ATP6V0A1: variants seen among roughly 807,000 people sequenced by gnomAD.
ATP6V0A1 encodes the protein ATPase H+ transporting V0 subunit a1.
ATP6V0A1 carries 43 observed loss-of-function variants against 105.4 expected under a neutral mutation model. That is an observed-to-expected ratio of 0.41 (90% confidence interval 0.32 to 0.53). The LOEUF is 0.53. Among genes scored for constraint, ATP6V0A1 ranks in the 20% least tolerant of loss-of-function variants. The pLI, the probability that ATP6V0A1 is intolerant of heterozygous loss-of-function variation, is 0.30. For synonymous variants in ATP6V0A1, 362 were observed against 372.8 expected, an observed-to-expected ratio of 0.97 and a Z score of 0.33; for missense variants, 676 against 1,051.1, an observed-to-expected ratio of 0.64 and a Z score of 4.93.
intron 12 of ATP6V0A1, 75 bp from the exon 13 acceptor site, chr17:42,494,959 T>C: frequency 6.7e-7 from 1 of 1,487,200 alleles, no homozygotes; most frequent in Non-Finnish European, 9.3e-7. Context: ...AAGGGGCAGG[T>C]ATATTCTGAA....
chr17:42,483,694 G>C (rs1336758028), intron 9 of ATP6V0A1, among the ~76,000 whole-genome samples: 2 of 152,146 alleles, frequency 1.3e-5, no homozygotes, highest in African/African-American at 4.8e-5. Flanking sequence ...CGATTCTCCT[G>C]CCTCATCCTC....
intron 7 of ATP6V0A1, 195 bp downstream of exon 7, chr17:42,478,784 C>T: frequency 2.7e-6 from 1 of 366,788 alleles, no homozygotes. Context: ...ATGATGTATA[C>T]ATGACATATA....
intron 8 of ATP6V0A1, 144 bp downstream of exon 8, chr17:42,480,893 A>C: frequency 1.5e-6 from 1 of 647,298 alleles, no homozygotes; most frequent in Non-Finnish European, 2.5e-6. Context: ...ATTTTAATCA[A>C]TTAGAAATAG....
Position 42,514,161 on chromosome 17 carries a change from G to A in ATP6V0A1, c.2249-128G>A, listed in dbSNP as rs552025843. 74 of 1,318,344 alleles carry A rather than the reference G, an allele frequency of 5.6e-5. No individual in the cohort carries two copies. The African/African-American group carries it at 1.0e-3, about 19-fold the overall frequency. The allele number at this position is 1,318,344 out of a possible 1,614,324, so 81.7% of individuals were successfully genotyped here. ...TTGTGCCAGGTTAGCTCTGCATGGT[G>A]GTCCCACTAAGGCAGTGGGAAGCCA... is the stretch of plus-strand genomic sequence containing the variant. On this transcript the variant is annotated intron_variant, in intron 20 of 21. Transcript: ENST00000343619.
chr17:42,463,080 A>G (rs1489320266), intron 2 of ATP6V0A1, among the ~76,000 whole-genome samples: 1 of 127,030 alleles, frequency 7.9e-6, no homozygotes, highest in Non-Finnish European at 1.6e-5. Context: ...ATCTTGGCTC[A>G]CTGCAACCTC....
intron 19 of ATP6V0A1, chr17:42,510,923 A>G (rs1298412035): frequency 2.0e-5 from 3 of 152,238 alleles, no homozygotes; most frequent in African/African-American, 7.2e-5. Flanking sequence ...AGTGAAAGCT[A>G]TAGGTCCCAG....
chr17:42,476,556 T>C (rs1477729711), intron 5 of ATP6V0A1, among the ~76,000 whole-genome samples: 1 of 152,212 alleles, frequency 6.6e-6, no homozygotes, highest in East Asian at 1.9e-4. Flanking sequence ...GTTGGGGAGA[T>C]GAGGCAATGG....
At chr17:42,518,824 G>A (rs2092726326) in intron 21 of ATP6V0A1, 1 of 152,286 alleles carries the variant, frequency 6.6e-6, no homozygotes, top group South Asian at 2.1e-4. Flanking sequence ...GAGCAGTGGA[G>A]ATGCCCAAAA....
At chr17:42,468,638 T>C (rs2087433835) in intron 4 of ATP6V0A1, among the ~76,000 whole-genome samples, 1 of 152,188 alleles carries the variant, frequency 6.6e-6, no homozygotes, top group African/African-American at 2.4e-5. Context: ...ACTTGTATTA[T>C]TTGTCTGTGC....
At chr17:42,517,151 G>T (rs933249543) in intron 21 of ATP6V0A1, among the ~76,000 whole-genome samples, 3 of 151,994 alleles carry the variant, frequency 2.0e-5, no homozygotes, top group African/African-American at 7.3e-5. Flanking sequence ...GTGATGGTGG[G>T]CGCCTGTAAT....
chr17:42,510,880 G>A (rs553178342), intron 19 of ATP6V0A1: 3 of 152,252 alleles, frequency 2.0e-5, no homozygotes, highest in Admixed American at 6.5e-5. Context: ...AGGATAAGTT[G>A]GAAAGGAAGG....
intron 19 of ATP6V0A1, among the ~76,000 whole-genome samples, chr17:42,509,507 G>A (rs2092237857): frequency 6.6e-6 from 1 of 152,188 alleles, no homozygotes; most frequent in Non-Finnish European, 1.5e-5. Context: ...GTAAACACAG[G>A]TAGGGCCTGC....
chr17:42,468,818 A>G (rs1227932863), intron 4 of ATP6V0A1, among the ~76,000 whole-genome samples: 1 of 151,698 alleles, frequency 6.6e-6, no homozygotes, highest in African/African-American at 2.4e-5. Flanking sequence ...TGGTTTATCG[A>G]AACCTTATTG....
chr17:42,472,701 G>A (rs1004869572), intron 5 of ATP6V0A1, among the ~76,000 whole-genome samples: 3 of 152,040 alleles, frequency 2.0e-5, no homozygotes, highest in African/African-American at 7.2e-5. Flanking sequence ...TCTAGCCTGG[G>A]CGAAAGAGCG....
chr17:42,487,332 C>G lies in ATP6V0A1; in HGVS notation c.988C>G (p.Leu330Val), dbSNP rs751930898. 1 of 1,614,086 alleles carries G rather than the reference C, an allele frequency of 6.2e-7. No homozygotes were observed. Residue 330 changes from leucine (L) to valine (V), a missense_variant, in exon 10 of 22, where the codon CTT (leucine) becomes GTT (valine). Physicochemically the swap from Leu to Val is conservative, Grantham distance 32 (BLOSUM62 1). This residue lies in a region of ATP6V0A1 where 435 missense variants were observed against 642.2 expected (regional missense o/e 0.68). Coordinates refer to ENST00000343619, the MANE Select transcript of ATP6V0A1 (RefSeq NM_001130021.3). ...IAEVWCPVTD[L>V]DSIQFALRRG... ...AGAGGTCTGGTGCCCTGTCACCGACCTTGACTCCATCCAGTTTGCACTCAG... is the reference window on the plus strand; with the variant it reads ...AGAGGTCTGGTGCCCTGTCACCGACGTTGACTCCATCCAGTTTGCACTCAG...
At chr17:42,495,535 C>A in intron 13 of ATP6V0A1, 91 bp from the exon 14 acceptor site, 1 of 971,844 alleles carries the variant, frequency 1.0e-6, no homozygotes, top group Non-Finnish European at 1.6e-6. Context: ...GACAAGATAG[C>A]TACAGTAATT....
Position 42,522,287 on chromosome 17 carries a change from T to A in ATP6V0A1, c.*1167T>A, listed in dbSNP as rs1177517628. 6.6e-6 allele frequency: 1 copy of A among 152,398 alleles called. No homozygotes were observed. The highest frequency in any genetic ancestry group is 1.5e-5 in the Non-Finnish European group (1 of 68,106). 9.4% of individuals were successfully genotyped at this position (152,398 alleles called of 1,614,324 possible). ...CACCGCTTTCAGTGGTAGAAAGAAT[T>A]CCCTGAGTGGGCCAGGCTGGTGCCC... On this transcript the variant is annotated 3_prime_UTR_variant, in exon 22 of 22. Coordinates refer to ENST00000343619, the MANE Select transcript of ATP6V0A1 (RefSeq NM_001130021.3).
chr17:42,512,594 C>T lies in ATP6V0A1; in HGVS notation c.2131-1267C>T, dbSNP rs180965325. Reference sequence around the variant, plus strand: ...AAAAGCCCAGAAATAGGCTAGGTGTCGACAGAGGTGAGGGAGAAGCAGACG... The same window carrying T: ...AAAAGCCCAGAAATAGGCTAGGTGTTGACAGAGGTGAGGGAGAAGCAGACG... On this transcript the variant is annotated intron_variant, in intron 19 of 21. Transcript: ENST00000343619. Among the ~76,000 whole-genome samples the T allele has an allele frequency of 4.5e-4, 69 of 152,250 alleles. 1 individual carries two copies. The highest frequency in any genetic ancestry group is 2.1e-3 in the Admixed American group (32 of 15,302).
intron 21 of ATP6V0A1, chr17:42,520,162 T>A (rs2092780433): frequency 3.2e-6 from 1 of 309,442 alleles, no homozygotes; most frequent in Non-Finnish European, 6.4e-6. Flanking sequence ...GCCTCCAGGG[T>A]CACACAGCAC....
Sources: allele counts gnomAD v4.1 joint callset (sites outside exome capture counted in the v4.1 genomes callset), GRCh38; gene constraint gnomAD v4.1.1; regional missense constraint gnomAD v4.1.1; transcripts MANE v1.5; gene names NCBI Gene and HGNC (gene_info 2026-07-23, HGNC 2026-07-21).